The following ACACA variants were observed in gnomAD, a reference collection of about 807,000 sequenced individuals.
ACACA encodes the protein acetyl-CoA carboxylase alpha.
In ACACA, 103 loss-of-function variants were observed where a neutral mutation model predicts 296.1. That is an observed-to-expected ratio of 0.35 (90% CI 0.30 to 0.41). The LOEUF (loss-of-function observed/expected upper bound fraction) is 0.41. ACACA is among the 10% of genes least tolerant of loss of function. The pLI, the probability that ACACA is intolerant of heterozygous loss-of-function variation, is 1.00. For synonymous variants in ACACA, 953 were observed against 1,038.6 expected, an observed-to-expected ratio of 0.92 and a Z score of 1.58; for missense variants, 1,554 against 2,989.7, an observed-to-expected ratio of 0.52 and a Z score of 11.20.
chr17:37,335,273 C>T (rs2048064369), intron 2 of ACACA, among the ~76,000 whole-genome samples: 1 of 152,110 alleles, frequency 6.6e-6, no homozygotes, highest in Non-Finnish European at 1.5e-5. Flanking sequence ...ATTTCAATCC[C>T]TATACCTGAA....
chr17:37,330,833 G>A (rs1306560552), intron 2 of ACACA, among the ~76,000 whole-genome samples: 2 of 152,102 alleles, frequency 1.3e-5, no homozygotes, highest in African/African-American at 2.4e-5. Flanking sequence ...TAGAGTAATG[G>A]TTGTTTGAAA....
At chr17:37,288,006 A>G (rs2082869510) in intron 3 of ACACA, among the ~76,000 whole-genome samples, 2 of 152,206 alleles carry the variant, frequency 1.3e-5, no homozygotes. Context: ...CCTTATAGAA[A>G]AAGAGGCCCA....
intron 35 of ACACA, among the ~76,000 whole-genome samples, chr17:37,197,168 GGC>G (rs2078040623): frequency 6.6e-6 from 1 of 152,148 alleles, no homozygotes; most frequent in South Asian, 2.1e-4. Flanking sequence ...GGACAACTGT[GGC>G]TAAACTACGA....
At chr17:37,185,631 C>T (rs970186554) in intron 39 of ACACA, among the ~76,000 whole-genome samples, 50 of 151,712 alleles carry the variant, frequency 3.3e-4, no homozygotes, top group African/African-American at 1.1e-3. Flanking sequence ...CACAGTGGCA[C>T]GATCTCAGCT....
rs553890756 is a variant in ACACA at position 37,110,292 on chromosome 17, G to T, written c.6565+1239C>A. Among the ~76,000 whole-genome samples the T allele has an allele frequency of 1.5e-4, 23 of 152,366 alleles. No individual in the cohort carries two copies. The East Asian group carries it at 4.4e-3, about 29-fold the overall frequency. ...GAGCTCTCTCTATGAACAGTTGTAA[G>T]TAACTTGCTCTTGAGCTGCAGTTAC... On this transcript the variant is annotated intron_variant, in intron 52 of 55. Coordinates refer to ENST00000616317, the MANE Select transcript of ACACA (RefSeq NM_198834.3).
chr17:37,198,644 A>G (rs762046579), intron 35 of ACACA, among the ~76,000 whole-genome samples: 8 of 152,218 alleles, frequency 5.3e-5, no homozygotes, highest in Non-Finnish European at 5.9e-5. Flanking sequence ...TGATTGACAT[A>G]TATCTACACT....
Position 37,182,305 on chromosome 17 carries a change from C to T in ACACA, c.4777-949G>A, listed in dbSNP as rs556278240. ...CCATGAGACACAGCCTCATATTTTA[C>T]ATATAGTAAAATAACCATATTATAT... On this transcript the variant is annotated intron_variant, in intron 39 of 55. Coordinates refer to ENST00000616317, the MANE Select transcript of ACACA (RefSeq NM_198834.3). Among the ~76,000 whole-genome samples, 20 of 152,002 alleles carry T rather than the reference C, an allele frequency of 1.3e-4. No homozygotes were observed. The South Asian group carries it at 3.3e-3, about 25-fold the overall frequency.
chr17:37,217,260 C>CAAAAAAAAAA, intron 29 of ACACA, among the ~76,000 whole-genome samples: 1 of 42,526 alleles, frequency 2.4e-5, no homozygotes, highest in Non-Finnish European at 4.5e-5. Flanking sequence ...AACTCTATCT[C>CAAAAAAAAAA]AAAAAAAAAA....
At chr17:37,324,790 G>A (rs1227622739) in intron 3 of ACACA, among the ~76,000 whole-genome samples, 5 of 136,676 alleles carry the variant, frequency 3.7e-5, no homozygotes, top group East Asian at 2.2e-4. Context: ...AGCCGAGATC[G>A]CACCATTGCA....
intron 41 of ACACA, among the ~76,000 whole-genome samples, chr17:37,165,873 T>C (rs1416482151): frequency 1.3e-5 from 2 of 151,976 alleles, no homozygotes; most frequent in Non-Finnish European, 2.9e-5. Context: ...GACAGGATTT[T>C]ACCATGTTGC....
intron 45 of ACACA, among the ~76,000 whole-genome samples, chr17:37,136,660 A>C (rs1476575868): frequency 6.6e-6 from 1 of 152,102 alleles, no homozygotes; most frequent in Non-Finnish European, 1.5e-5. Context: ...AAAACCATTT[A>C]GGCCAGGCAC....
chr17:37,367,478 C>CT (rs2049649813), intron 1 of ACACA: 1 of 152,134 alleles, frequency 6.6e-6, no homozygotes. Context: ...TGCTTTAAAT[C>CT]CTGACTCTGT....
In ACACA at chr17:37,244,575, A is replaced by G; in HGVS notation, c.2742+13T>C. On this transcript the variant is annotated intron_variant, in intron 21 of 55. Coordinates refer to ENST00000616317, the MANE Select transcript of ACACA (RefSeq NM_198834.3). ...CATTTGTACATCCCTTCCCCAGGAG[A>G]CGTGATACATACCTTGCTGCTAAAG... is the stretch of plus-strand genomic sequence containing the variant. The G allele has an allele frequency of 6.2e-7, 1 of 1,613,922 alleles. No individual in the cohort carries two copies. Among genetic ancestry groups the G allele is most frequent in the Non-Finnish European group, 8.5e-7 (1 of 1,179,808 alleles).
At chr17:37,308,228 A>C (rs2146969539) in intron 3 of ACACA, among the ~76,000 whole-genome samples, 1 of 152,316 alleles carries the variant, frequency 6.6e-6, no homozygotes, top group East Asian at 1.9e-4. Flanking sequence ...TGAGTCAAAA[A>C]ATCACAAGGA....
chr17:37,364,628 C>A (rs1191890184), intron 1 of ACACA, among the ~76,000 whole-genome samples: 1 of 1,614 alleles, frequency 6.2e-4, no homozygotes, highest in Non-Finnish European at 9.3e-4. Flanking sequence ...AAAATAGAAC[C>A]ATGAAGAGCC....
intron 39 of ACACA, among the ~76,000 whole-genome samples, chr17:37,186,381 G>C (rs2077531862): frequency 6.6e-6 from 1 of 152,118 alleles, no homozygotes; most frequent in African/African-American, 2.4e-5. Context: ...CTTGAGTACA[G>C]TTTGCTTTTT....
At chr17:37,385,988 C>A in intron 1 of ACACA, 1 of 1,483,458 alleles carries the variant, frequency 6.7e-7, no homozygotes, top group Non-Finnish European at 9.2e-7. Context: ...AAAGTTTCAT[C>A]TTTTCTACTT....
At chr17:37,159,046 T>G (rs894439176) in intron 42 of ACACA, among the ~76,000 whole-genome samples, 10 of 151,772 alleles carry the variant, frequency 6.6e-5, no homozygotes, top group African/African-American at 2.2e-4. Context: ...GGTGTAGTGG[T>G]GTGCGCCTGT....
intron 29 of ACACA, among the ~76,000 whole-genome samples, chr17:37,215,406 C>A (rs1317695215): frequency 1.3e-5 from 2 of 152,126 alleles, no homozygotes; most frequent in African/African-American, 2.4e-5. Context: ...AAAGATTACT[C>A]ATGTTCACTA....
Sources: allele counts gnomAD v4.1 joint callset (sites outside exome capture counted in the v4.1 genomes callset), GRCh38; gene constraint gnomAD v4.1.1; transcripts MANE v1.5; gene names NCBI Gene and HGNC (gene_info 2026-07-23, HGNC 2026-07-21).